XRCC4: variants seen among roughly 807,000 people sequenced by gnomAD.
XRCC4 encodes DNA repair protein XRCC4.
In XRCC4, 28 loss-of-function variants were observed where a neutral mutation model predicts 39.1. The ratio of observed to expected loss-of-function variants is 0.72; its 90% CI spans 0.53 to 0.98. The LOEUF is 0.98. Among genes scored for constraint, XRCC4 ranks in the 50% least tolerant of loss-of-function variants. XRCC4 has a pLI of 0.00. For missense variants in XRCC4, 350 were observed against 376.4 expected, an observed-to-expected ratio of 0.93 and a Z score of 0.58; for synonymous variants, 123 against 126.4, an observed-to-expected ratio of 0.97 and a Z score of 0.18.
chr5:83,292,061 C>T (rs569787982), intron 7 of XRCC4, among the ~76,000 whole-genome samples: 28 of 150,676 alleles, frequency 1.9e-4, no homozygotes, highest in African/African-American at 6.8e-4. Context: ...TGAAGTAAAA[C>T]CAGCAAGCTT....
chr5:83,278,919 C>T (rs1291769207), intron 7 of XRCC4, among the ~76,000 whole-genome samples: 19 of 147,282 alleles, frequency 1.3e-4, no homozygotes, highest in Middle Eastern at 3.6e-3. Context: ...ACCGAGGAGG[C>T]GGAGGTTGCA....
intron 3 of XRCC4, among the ~76,000 whole-genome samples, chr5:83,180,061 G>A (rs1750138798): frequency 6.6e-6 from 1 of 152,316 alleles, no homozygotes; most frequent in South Asian, 2.1e-4. Context: ...ATTGCTCAGA[G>A]AAGCAGCTGA....
intron 7 of XRCC4, chr5:83,259,175 T>C (rs1164649376): frequency 6.5e-6 from 1 of 155,032 alleles, no homozygotes; most frequent in Non-Finnish European, 1.4e-5. Flanking sequence ...CATCAGTCTG[T>C]ATTTCAATTT....
chr5:83,087,884 G>T (rs1000028975), intron 1 of XRCC4, among the ~76,000 whole-genome samples: 4 of 152,020 alleles, frequency 2.6e-5, no homozygotes, highest in African/African-American at 7.2e-5. Context: ...TTGTATTTCT[G>T]ATGTTTCACT....
intron 6 of XRCC4, among the ~76,000 whole-genome samples, chr5:83,225,187 G>T (rs1752240061): frequency 6.6e-6 from 1 of 151,990 alleles, no homozygotes; most frequent in African/African-American, 2.4e-5. Context: ...GCTGTTTTTG[G>T]TGAGCCCCTG....
At chr5:83,142,254 A>C (rs186034860) in intron 3 of XRCC4, among the ~76,000 whole-genome samples, 1 of 152,198 alleles carries the variant, frequency 6.6e-6, no homozygotes, top group Admixed American at 6.5e-5. Flanking sequence ...AACTCTGATG[A>C]TATTATCCAG....
At chr5:83,196,044 T>A in intron 4 of XRCC4, 108 bp downstream of exon 4, 1 of 1,148,334 alleles carries the variant, frequency 8.7e-7, no homozygotes, top group Admixed American at 2.7e-5. Context: ...TTAGCACATA[T>A]ATATTTACCT....
At chr5:83,105,462 T>C (rs1746154409) in intron 2 of XRCC4, among the ~76,000 whole-genome samples, 1 of 152,182 alleles carries the variant, frequency 6.6e-6, no homozygotes, top group South Asian at 2.1e-4. Flanking sequence ...GGGTTATTTA[T>C]TTATTTATTT....
intron 6 of XRCC4, among the ~76,000 whole-genome samples, chr5:83,223,671 G>GTTTTGTT (rs562036828): frequency 1.3e-5 from 2 of 151,166 alleles, no homozygotes; most frequent in Non-Finnish European, 3.0e-5. Context: ...TTTTTGCTTT[G>GTTTTGTT]TTTTGTTTTT....
In XRCC4 at chr5:83,199,918, G is replaced by A. The variant is rs538117547; in HGVS notation, c.483-3634G>A. On this transcript the variant is annotated intron_variant, in intron 4 of 7. Coordinates refer to ENST00000396027, the MANE Select transcript of XRCC4 (RefSeq NM_003401.5). Reference sequence around the variant, plus strand: ...CTTGTTTGATGTTATTTGTGATTTCGTCCCAATTTGAGATTTGCCTGGATT... The same window carrying A: ...CTTGTTTGATGTTATTTGTGATTTCATCCCAATTTGAGATTTGCCTGGATT... 2.2e-4 allele frequency among the ~76,000 whole-genome samples: 33 copies of A among 152,010 alleles called. 1 individual carries two copies. In the South Asian group the frequency reaches 6.2e-3, roughly 29 times the overall value.
rs568381545 is a variant in XRCC4, at chr5:83,320,711, A to T, written c.894-32420A>T. Among the ~76,000 whole-genome samples the T allele has an allele frequency of 3.3e-5, 5 of 152,056 alleles. No individual in the cohort carries two copies. In the South Asian group the frequency reaches 1.0e-3, roughly 32 times the overall value. Reference sequence around the variant, plus strand: ...CAGCAGCCATCAATATTGAGGCAAGACCCTGCACCAGCAAAAAAGGTTACA... The same window carrying T: ...CAGCAGCCATCAATATTGAGGCAAGTCCCTGCACCAGCAAAAAAGGTTACA... On this transcript the variant is annotated intron_variant, in intron 7 of 7. Coordinates refer to ENST00000396027, the MANE Select transcript of XRCC4 (RefSeq NM_003401.5).
chr5:83,196,147 C>G (rs1376754583), intron 4 of XRCC4, among the ~76,000 whole-genome samples: 1 of 151,420 alleles, frequency 6.6e-6, no homozygotes, highest in African/African-American at 2.4e-5. Context: ...GTGGCACCAG[C>G]AAATTTATAA....
intron 5 of XRCC4, among the ~76,000 whole-genome samples, chr5:83,204,323 T>A (rs3822719): frequency 0.099 from 15,061 of 152,092 alleles, 1,431 homozygotes; most frequent in African/African-American, 0.25. Flanking sequence ...TGACGTAGTA[T>A]AAAAAAATTT....
At chr5:83,260,595 G>A (rs566765130) in intron 7 of XRCC4, among the ~76,000 whole-genome samples, 1 of 152,186 alleles carries the variant, frequency 6.6e-6, no homozygotes, top group Non-Finnish European at 1.5e-5. Flanking sequence ...TGAGTACACT[G>A]TGTTGCTTAA....
At chr5:83,133,056 A>G (rs1193643107) in intron 3 of XRCC4, among the ~76,000 whole-genome samples, 2 of 152,106 alleles carry the variant, frequency 1.3e-5, no homozygotes, top group African/African-American at 2.4e-5. Flanking sequence ...GGTGATGTAC[A>G]GATGGGGTTT....
chr5:83,078,016 C>T (rs908118193), intron 1 of XRCC4, among the ~76,000 whole-genome samples: 1 of 152,124 alleles, frequency 6.6e-6, no homozygotes, highest in Non-Finnish European at 1.5e-5. Flanking sequence ...TATTGGTAAA[C>T]TGTGGGTTCC....
chr5:83,309,688 C>G (rs777841953), intron 7 of XRCC4, among the ~76,000 whole-genome samples: 1 of 146,056 alleles, frequency 6.8e-6, no homozygotes, highest in Non-Finnish European at 1.5e-5. Context: ...GGCGTGAACC[C>G]GGGAGGCGGA....
At chr5:83,148,741 G>A in intron 3 of XRCC4, among the ~76,000 whole-genome samples, 1 of 152,054 alleles carries the variant, frequency 6.6e-6, no homozygotes, top group South Asian at 2.1e-4. Flanking sequence ...CCTTGAGTTT[G>A]TGAGGGGTGA....
At chr5:83,168,356 T>C (rs1432551756) in intron 3 of XRCC4, among the ~76,000 whole-genome samples, 1 of 152,194 alleles carries the variant, frequency 6.6e-6, no homozygotes, top group Non-Finnish European at 1.5e-5. Context: ...CACCTTACAA[T>C]GTAACCTCAA....
Sources: gnomAD v4.1 joint callset for allele counts (sites outside exome capture counted in the v4.1 genomes callset) on GRCh38, gnomAD v4.1.1 for gene constraint, MANE v1.5 for transcripts, NCBI Gene and HGNC (gene_info 2026-07-23, HGNC 2026-07-21) for gene names.